Variants in CALN1 observed in about 807,000 individuals in gnomAD.
CALN1 encodes the protein calneuron 1, also known as calcium-binding protein 8.
CALN1 carries 17 observed loss-of-function variants against 30.6 expected under a neutral mutation model. The ratio of observed to expected loss-of-function variants is 0.56; its 90% CI spans 0.38 to 0.83. The LOEUF (loss-of-function observed/expected upper bound fraction) is 0.83, where lower values mean the gene tolerates loss of function less well. CALN1 is among the 40% of genes least tolerant of loss of function. The pLI is 0.00. For missense variants in CALN1, 291 were observed against 354.9 expected, an observed-to-expected ratio of 0.82 and a Z score of 1.45; for synonymous variants, 156 against 131.4, an observed-to-expected ratio of 1.19 and a Z score of -1.28.
At chr7:72,473,355 ACAACCTTT>A in the CALN1 span, among the ~76,000 whole-genome samples, 10 of 152,034 alleles carry the variant, frequency 6.6e-5, no homozygotes, top group African/African-American at 2.4e-4. Flanking sequence ...AATCCTCATG[ACAACCTTT>A]CCATCTCAGG....
intron 4 of CALN1, among the ~76,000 whole-genome samples, chr7:72,074,765 C>T (rs1005389644): frequency 6.6e-5 from 10 of 152,154 alleles, no homozygotes; most frequent in East Asian, 3.9e-4. Context: ...TGACAACCTA[C>T]TTGCCAAGCC....
intron 5 of CALN1, among the ~76,000 whole-genome samples, chr7:71,847,799 GAAGAAA>G (rs1321293394): frequency 2.8e-5 from 4 of 144,752 alleles, no homozygotes; most frequent in South Asian, 2.3e-4. Context: ...AAGAAGAAAA[GAAGAAA>G]AGAAGGAGAA....
chr7:71,855,034 G>C (rs950675559), intron 5 of CALN1, among the ~76,000 whole-genome samples: 1 of 152,182 alleles, frequency 6.6e-6, no homozygotes, highest in African/African-American at 2.4e-5. Flanking sequence ...AAGAACTGCC[G>C]ATGGCTGAAA....
At chr7:72,482,998 G>T in the CALN1 span, among the ~76,000 whole-genome samples, 1 of 152,100 alleles carries the variant, frequency 6.6e-6, no homozygotes, top group East Asian at 1.9e-4. Flanking sequence ...AGTGCAAAGG[G>T]TTATTTTGTT....
the CALN1 span, among the ~76,000 whole-genome samples, chr7:72,500,014 C>G: frequency 2.6e-5 from 4 of 151,310 alleles, no homozygotes; most frequent in African/African-American, 9.7e-5. Context: ...CAGGCTCAAG[C>G]GATTCTCCTG....
In CALN1 at chr7:71,931,123, G is replaced by A. The variant is rs535551799; in HGVS notation, c.501+92534C>T. Among the ~76,000 whole-genome samples, 18 of 152,210 alleles carry A rather than the reference G, an allele frequency of 1.2e-4. No individual in the cohort carries two copies. The South Asian group carries it at 2.9e-3, about 25-fold the overall frequency. On this transcript the variant is annotated intron_variant, in intron 5 of 6. Transcript: ENST00000395275. ...GATGAAATTAACAAATAATAATAGA[G>A]GTTTTTCTTTTTGAAATGTGGGTAC... is the stretch of plus-strand genomic sequence containing the variant.
chr7:72,044,101 T>C (rs1212765669), intron 4 of CALN1, among the ~76,000 whole-genome samples: 1 of 151,090 alleles, frequency 6.6e-6, no homozygotes, highest in Non-Finnish European at 1.5e-5. Flanking sequence ...CAAGATGAGA[T>C]TTGGGTGGGG....
chr7:72,011,009 T>C (rs1405323443), intron 5 of CALN1, among the ~76,000 whole-genome samples: 5 of 150,994 alleles, frequency 3.3e-5, no homozygotes, highest in Non-Finnish European at 7.4e-5. Context: ...AAAAATTAGC[T>C]GGGCGTGTTG....
intron 3 of CALN1, among the ~76,000 whole-genome samples, chr7:72,226,829 G>A (rs533864182): frequency 6.6e-6 from 1 of 152,276 alleles, no homozygotes; most frequent in South Asian, 2.1e-4. Flanking sequence ...GATGCCTTGA[G>A]GTCAGGAGTT....
At chr7:72,363,063 G>A (rs1293561668) in intron 2 of CALN1, among the ~76,000 whole-genome samples, 1 of 152,138 alleles carries the variant, frequency 6.6e-6, no homozygotes, top group Non-Finnish European at 1.5e-5. Flanking sequence ...GGGGGTACAT[G>A]TGAAGATTTG....
rs866356868 is a variant in CALN1, at chr7:72,430,747, C to A, written c.-226+16295G>T. Among the ~76,000 whole-genome samples, 3 of 152,238 alleles carry A rather than the reference C, an allele frequency of 2.0e-5. No individual in the cohort carries two copies. In the Middle Eastern group the frequency reaches 0.01, roughly 518 times the overall value. On this transcript the variant is annotated intron_variant, in intron 1 of 6. Transcript: ENST00000395276. ...CTGTACCTGCGCTCTGCATGGTATC[C>A]TGTTCCGGAAGGTGTCCTGGTCACC...
chr7:71,926,171 C>CT (rs1401270185), intron 5 of CALN1, among the ~76,000 whole-genome samples: 1 of 152,248 alleles, frequency 6.6e-6, no homozygotes, highest in African/African-American at 2.4e-5. Context: ...GCTTCCTCCT[C>CT]TCCCCAACCC....
At chr7:71,973,336 G>A (rs1003421558) in intron 5 of CALN1, among the ~76,000 whole-genome samples, 9 of 151,952 alleles carry the variant, frequency 5.9e-5, no homozygotes, top group South Asian at 4.1e-4. Context: ...CCATCACGCC[G>A]AGCTAATTTT....
chr7:72,075,411 C>T (rs374516625), intron 4 of CALN1, among the ~76,000 whole-genome samples: 1 of 152,214 alleles, frequency 6.6e-6, no homozygotes, highest in African/African-American at 2.4e-5. Context: ...AATGCATAGG[C>T]TGGAACATCT....
intron 4 of CALN1, among the ~76,000 whole-genome samples, chr7:72,072,320 T>G (rs986017766): frequency 1.3e-5 from 2 of 152,178 alleles, no homozygotes; most frequent in Non-Finnish European, 2.9e-5. Flanking sequence ...AGCAGATTTC[T>G]CACCAAAAAC....
intron 5 of CALN1, among the ~76,000 whole-genome samples, chr7:71,867,973 C>T (rs993620575): frequency 1.3e-5 from 2 of 152,142 alleles, no homozygotes; most frequent in Non-Finnish European, 2.9e-5. Context: ...CTATGATAGA[C>T]ATATCTCCTT....
intron 2 of CALN1, chr7:72,336,879 C>G: frequency 1.0e-6 from 1 of 985,102 alleles, no homozygotes; most frequent in Non-Finnish European, 1.2e-6. Flanking sequence ...CCGGCATCCT[C>G]GCTGCCGCCG....
chr7:72,185,696 T>C (rs146124792), intron 3 of CALN1, among the ~76,000 whole-genome samples: 84 of 152,288 alleles, frequency 5.5e-4, no homozygotes, highest in Middle Eastern at 3.4e-3. Flanking sequence ...TGGGAGATAA[T>C]TGAATCATGG....
intron 3 of CALN1, among the ~76,000 whole-genome samples, chr7:72,259,713 A>G (rs1299149289): frequency 6.6e-6 from 1 of 152,196 alleles, no homozygotes; most frequent in Non-Finnish European, 1.5e-5. Context: ...AGAATAACAT[A>G]AACACAGCAA....
Sources: allele counts gnomAD v4.1 joint callset (sites outside exome capture counted in the v4.1 genomes callset), GRCh38; gene constraint gnomAD v4.1.1; transcripts MANE v1.5; gene names NCBI Gene and HGNC (gene_info 2026-07-23, HGNC 2026-07-21).